Variants in ODAD3 observed in about 807,000 individuals in gnomAD.
ODAD3 encodes the protein outer dynein arm docking complex subunit 3, also known as outer dynein arm-docking complex subunit 3.
A neutral mutation model predicts 70.9 loss-of-function variants in ODAD3; 57 were observed. That is an observed-to-expected ratio of 0.80 (90% CI 0.65 to 1.00). The LOEUF is 1.00. Among genes scored for constraint, ODAD3 ranks in the 50% least tolerant of loss-of-function variants. The pLI is 0.00. For missense variants in ODAD3, 797 were observed against 763.9 expected (o/e 1.04, Z -0.51); for synonymous variants, 327 against 315.9 (o/e 1.04, Z -0.37).
Position 11,420,937 on chromosome 19 carries a change from A to T in ODAD3, c.1686T>A (p.Ser562Arg), listed in dbSNP as rs755678158. Residue 562 changes from serine (S) to arginine (R), a missense_variant, in exon 13 of 13, where the codon AGT becomes AGA. Ser to Arg is a moderately radical substitution (Grantham distance 110). Transcript: ENST00000356392. ...TSKDKFFDEE[S>R]EEEDNEVVTR... Reference sequence around the variant, plus strand: ...TCACTACCTCGTTGTCCTCCTCCTCACTCTCTTCGTCTAAGGGGGGTGGGG... The same window carrying T: ...TCACTACCTCGTTGTCCTCCTCCTCTCTCTCTTCGTCTAAGGGGGGTGGGG... The T allele has an allele frequency of 6.4e-7, 1 of 1,567,938 alleles. No individual in the cohort carries two copies. Among genetic ancestry groups the T allele is most frequent in the East Asian group, 2.3e-5 (1 of 44,084 alleles).
chr19:11,426,465 T>C lies in ODAD3; in HGVS notation c.821A>G (p.Asn274Ser), dbSNP rs1163880688. The C allele has an allele frequency of 6.2e-7, 1 of 1,614,046 alleles. No homozygotes were observed. Among genetic ancestry groups the C allele is most frequent in the South Asian group, 1.1e-5 (1 of 91,080 alleles). Reference protein sequence around the residue: ...ALHVVNQEALNARDIAKNQLQ... With the variant: ...ALHVVNQEALSARDIAKNQLQ... ...TGGCACCTTGGCAATGTCCCGGGCATTGAGGGCCTCTTGGTTCACCACGTG... is the reference window on the plus strand; with the variant it reads ...TGGCACCTTGGCAATGTCCCGGGCACTGAGGGCCTCTTGGTTCACCACGTG... The change falls in exon 6 of 13, where the codon AAT (asparagine) becomes AGT (serine). Residue 274 changes from asparagine to serine, a missense_variant. Physicochemically the swap from Asn to Ser is conservative, Grantham distance 46. Coordinates refer to ENST00000356392, the MANE Select transcript of ODAD3 (RefSeq NM_145045.5).
At chr19:11,424,913 G>GTATATGTACCTATGTGTATATATGTA (rs1969242296) in intron 7 of ODAD3, among the ~76,000 whole-genome samples, 1 of 120,438 alleles carries the variant, frequency 8.3e-6, no homozygotes, top group African/African-American at 4.2e-5. Flanking sequence ...GTATATATGT[G>GTATATGTACCTATGTGTATATATGTA]TATATGTACC....
In ODAD3 at chr19:11,422,365, A is replaced by T; in HGVS notation, c.1434+106T>A. The T allele has an allele frequency of 1.5e-6, 2 of 1,351,818 alleles. No individual in the cohort carries two copies. Among genetic ancestry groups the T allele is most frequent in the Non-Finnish European group, 2.0e-6 (2 of 1,016,090 alleles). The allele number at this position is 1,351,818 out of a possible 1,614,324, so 83.7% of individuals were successfully genotyped here. A position where few individuals can be genotyped will look rare whatever the true frequency, so the allele number is the denominator to read the frequency against. The stretch of plus-strand genomic sequence containing the variant: ...TGACGTCCGGGACAGAGGATGTGGC[A>T]GGCCACGTTCCCTCGGGCAAGCTGG... On this transcript the variant is annotated intron_variant, in intron 10 of 12. Transcript: ENST00000356392. The surrounding 1 kb of genome is among the most constrained non-coding windows in gnomAD (Gnocchi z 4.6).
At chr19:11,421,936 G>A (rs1416973896) in intron 10 of ODAD3, 104 bp from the exon 11 acceptor site, 2 of 1,317,276 alleles carry the variant, frequency 1.5e-6, no homozygotes, top group Non-Finnish European at 2.1e-6. Context: ...TAGGAGGTAA[G>A]GGCCCACCTG....
chr19:11,422,064 T>C lies in ODAD3; in HGVS notation c.1435-232A>G, dbSNP rs1272991387. 1.3e-5 allele frequency among the ~76,000 whole-genome samples: 2 copies of C among 151,922 alleles called. 1 individual carries two copies. Among genetic ancestry groups the C allele is most frequent in the Admixed American group, 1.3e-4 (2 of 15,256 alleles). On this transcript the variant is annotated intron_variant, in intron 10 of 12. Coordinates refer to ENST00000356392, the MANE Select transcript of ODAD3 (RefSeq NM_145045.5). This position sits in a 1 kb window ranked among gnomAD's most constrained non-coding sequence, Gnocchi z 4.6. ...TTTCGGGGAGGCCTCTTGGGAACAGTAAGGATTCGAGGGAGGCCATTGTGG... is the reference window on the plus strand; with the variant it reads ...TTTCGGGGAGGCCTCTTGGGAACAGCAAGGATTCGAGGGAGGCCATTGTGG...
chr19:11,426,964 C>T lies in ODAD3; in HGVS notation c.521G>A (p.Arg174Gln). 3 of 1,608,614 alleles carry T rather than the reference C, an allele frequency of 1.9e-6. No homozygotes were observed. The highest frequency in any genetic ancestry group is 1.7e-6 in the Non-Finnish European group (2 of 1,179,664). The change falls in exon 4 of 13, where the codon CGG becomes CAG. Residue 174 changes from arginine (R) to glutamine (Q), a missense_variant. Transcript: ENST00000356392. ...QNALRHQVVL[R>Q]QRRLEELQLQ... ...CTGGAGCTCCTCCAGCCGCCTCTGC[C>T]GCAACACCACCTGGTGCCGCAGGGC...
chr19:11,422,145 G>C lies in ODAD3; in HGVS notation c.1435-313C>G, dbSNP rs565836320. On this transcript the variant is annotated intron_variant, in intron 10 of 12. Coordinates refer to ENST00000356392, the MANE Select transcript of ODAD3 (RefSeq NM_145045.5). This position sits in a 1 kb window ranked among gnomAD's most constrained non-coding sequence, Gnocchi z 4.6. Reference sequence around the variant, plus strand: ...GCGGGCAGGATAGGTCTTCTGTCTCGGGCTGCTCCAGAACTGCAGATAGGT... The same window carrying C: ...GCGGGCAGGATAGGTCTTCTGTCTCCGGCTGCTCCAGAACTGCAGATAGGT... Among the ~76,000 whole-genome samples the C allele has an allele frequency of 6.6e-6, 1 of 152,220 alleles. No homozygotes were observed. The highest frequency in any genetic ancestry group is 1.5e-5 in the Non-Finnish European group (1 of 68,030).
intron 7 of ODAD3, among the ~76,000 whole-genome samples, chr19:11,424,539 G>A (rs11880480): frequency 1.5e-5 from 2 of 131,650 alleles, no homozygotes; most frequent in Non-Finnish European, 3.2e-5. Flanking sequence ...ATGTATATAT[G>A]TGTATATATA....
In ODAD3 at chr19:11,421,206, C is replaced by A; in HGVS notation, c.1597G>T (p.Ala533Ser). The A allele has an allele frequency of 6.2e-7, 1 of 1,612,722 alleles. No homozygotes were observed. The highest frequency in any genetic ancestry group is 8.5e-7 in the Non-Finnish European group (1 of 1,179,552). Residue 533 changes from alanine (A) to serine (S), a missense_variant, in exon 12 of 13, where the codon GCC becomes TCC. Transcript: ENST00000356392. ...TCGGGCAGCCTTCCCTCTAAGCTGG[C>A]GAGGAACTAAGCGGGGATGGGAAGC... is the stretch of plus-strand genomic sequence containing the variant. The part of the protein sequence containing the change: ...LCHIANREFL[A>S]SLEGRLPEYN...
intron 5 of ODAD3, 44 bp downstream of exon 5, chr19:11,426,639 G>A: frequency 1.2e-6 from 2 of 1,613,244 alleles, no homozygotes; most frequent in Non-Finnish European, 8.5e-7. Context: ...AGCCAAGCCC[G>A]CCCTCCCTGT....
chr19:11,426,178 T>C lies in ODAD3; in HGVS notation c.929A>G (p.Glu310Gly), dbSNP rs966920011. The change falls in exon 7 of 13, where the codon GAG (glutamate) becomes GGG (glycine). Residue 310 changes from glutamate (E) to glycine (G), a missense_variant. Glu to Gly is a moderately conservative substitution (Grantham distance 98). Coordinates refer to ENST00000356392, the MANE Select transcript of ODAD3 (RefSeq NM_145045.5). ...CATGCGCTCGTTCTCCAGTTTCTTC[T>C]CCTCGGCGCGCTTCTTGCACTCACT... is the stretch of plus-strand genomic sequence containing the variant. ...YISECKKRAE[E>G]KKLENERMER... 5.0e-6 allele frequency: 8 copies of C among 1,612,616 alleles called. No individual in the cohort carries two copies. In the African/African-American group the frequency reaches 1.1e-4, roughly 22 times the overall value.
Position 11,422,981 on chromosome 19 carries a change from T to G in ODAD3, c.1117-120A>C, listed in dbSNP as rs1969177889. The stretch of plus-strand genomic sequence containing the variant: ...ACAGGTGGCCTGAGCTGGCGCCTTT[T>G]GCACAGCAATGTATGGGGACACTGT... On this transcript the variant is annotated intron_variant, in intron 8 of 12. Coordinates refer to ENST00000356392, the MANE Select transcript of ODAD3 (RefSeq NM_145045.5). This position sits in a 1 kb window ranked among gnomAD's most constrained non-coding sequence, Gnocchi z 4.6. 1 of 1,091,394 alleles carries G rather than the reference T, an allele frequency of 9.2e-7. No individual in the cohort carries two copies. The allele number at this position is 1,091,394 out of a possible 1,614,324, so 67.6% of individuals were successfully genotyped here.
intron 3 of ODAD3, among the ~76,000 whole-genome samples, chr19:11,427,255 C>T (rs1300968990): frequency 6.6e-6 from 1 of 151,904 alleles, no homozygotes; most frequent in South Asian, 2.1e-4. Flanking sequence ...GATCTTACAC[C>T]GGCTCAGGGT....
intron 8 of ODAD3, 90 bp downstream of exon 8, chr19:11,423,787 G>T: frequency 7.4e-7 from 1 of 1,356,142 alleles, no homozygotes; most frequent in Non-Finnish European, 1.0e-6. Flanking sequence ...AGGGGAGACA[G>T]GGTGTGTCGG....
chr19:11,435,189 C>G (rs1969645138), upstream of ODAD3: 5 of 1,428,726 alleles, frequency 3.5e-6, no homozygotes, highest in East Asian at 1.0e-4. Context: ...CCCCGTCTCT[C>G]TCCACTGTTT....
intron 12 of ODAD3, 33 bp downstream of exon 12, chr19:11,421,095 A>G: frequency 6.2e-7 from 1 of 1,609,776 alleles, no homozygotes; most frequent in Non-Finnish European, 8.5e-7. Context: ...TGGGGCCCCA[A>G]CCGCACCCCT....
Position 11,435,080 on chromosome 19 carries a change from C to G in ODAD3, c.-64G>C. ...ATAACTAGGAGTCAGTCGCCCCTGTCAGGGATCCGTCAGCTCGGATTCCTA... is the reference window on the plus strand; with the variant it reads ...ATAACTAGGAGTCAGTCGCCCCTGTGAGGGATCCGTCAGCTCGGATTCCTA... On this transcript the variant is annotated 5_prime_UTR_variant, in exon 1 of 13. Coordinates refer to ENST00000356392, the MANE Select transcript of ODAD3 (RefSeq NM_145045.5). 1 of 1,532,144 alleles carries G rather than the reference C, an allele frequency of 6.5e-7. No individual in the cohort carries two copies. The highest frequency in any genetic ancestry group is 1.2e-5 in the South Asian group (1 of 84,746). The allele number at this position is 1,532,144 out of a possible 1,614,324, so 94.9% of individuals were successfully genotyped here.
rs113079977 is a variant in ODAD3 at position 11,433,658 on chromosome 19, G to T, written c.244+1115C>A. ...AATCTATGCTCAGGCCAGGTGCAGC[G>T]GCCCATGCCTGTAACCCCAGCACTT... On this transcript the variant is annotated intron_variant, in intron 1 of 12. Transcript: ENST00000356392. 4.7e-4 allele frequency among the ~76,000 whole-genome samples: 72 copies of T among 152,336 alleles called. 1 individual carries two copies. The highest frequency in any genetic ancestry group is 1.6e-3 in the African/African-American group (66 of 41,592).
rs752849955 is a variant in ODAD3 at position 11,426,454 on chromosome 19, T to C, written c.832A>G (p.Ile278Val). Residue 278 changes from isoleucine to valine, a missense_variant, in exon 6 of 13, where the codon ATT becomes GTT. By Grantham distance (29) the Ile-to-Val change is conservative. Transcript: ENST00000356392. ...VNQEALNARD[I>V]AKNQLQYLEE... Reference sequence around the variant, plus strand: ...GGCAAGAGGGGTGGCACCTTGGCAATGTCCCGGGCATTGAGGGCCTCTTGG... The same window carrying C: ...GGCAAGAGGGGTGGCACCTTGGCAACGTCCCGGGCATTGAGGGCCTCTTGG... The C allele has an allele frequency of 4.3e-6, 7 of 1,613,860 alleles. No homozygotes were observed. The Admixed American group carries it at 1.0e-4, about 23-fold the overall frequency.
Sources: allele counts gnomAD v4.1 joint callset (sites outside exome capture counted in the v4.1 genomes callset), GRCh38; gene constraint gnomAD v4.1.1; non-coding constraint Gnocchi (gnomAD v3.1); transcripts MANE v1.5; gene names NCBI Gene and HGNC (gene_info 2026-07-23, HGNC 2026-07-21).